The following HSPG2 variants were observed in gnomAD, a reference collection of about 807,000 sequenced individuals.
HSPG2 encodes the protein basement membrane-specific heparan sulfate proteoglycan core protein.
A neutral mutation model predicts 526.6 loss-of-function variants in HSPG2; 278 were observed. The ratio of observed to expected loss-of-function variants is 0.53; its 90% CI spans 0.48 to 0.58. HSPG2 has a LOEUF of 0.58. HSPG2 is among the 20% of genes least tolerant of loss of function. The pLI, the probability that HSPG2 is intolerant of heterozygous loss-of-function variation, is 0.00. For synonymous variants in HSPG2, 2,465 were observed against 2,555.4 expected, an observed-to-expected ratio of 0.96 and a Z score of 1.07; for missense variants, 5,354 against 6,099.5, an observed-to-expected ratio of 0.88 and a Z score of 4.07.
Position 21,839,363 on chromosome 1 carries a change from G to A in HSPG2, c.9889+8C>T. 6.2e-7 allele frequency: 1 copy of A among 1,610,536 alleles called. No individual in the cohort carries two copies. The highest frequency in any genetic ancestry group is 8.5e-7 in the Non-Finnish European group (1 of 1,179,810). On this transcript the variant is annotated splice_region_variant and intron_variant, in intron 73 of 96. Coordinates refer to ENST00000374695, the MANE Select transcript of HSPG2 (RefSeq NM_005529.7). This position sits in a 1 kb window ranked among gnomAD's most constrained non-coding sequence, Gnocchi z 4.5. ...TTTGGTGCAGACAAAGAAGGGATGA[G>A]GCCTTACTCTCCACGTGCAGGATGA...
chr1:21,847,599 C>T lies in HSPG2; in HGVS notation c.8025+90G>A. ...GCCTGTTGAGGCTGCTATCGGTCTA[C>T]CCAGGGCCCAATCCGTGAGACAGGG... On this transcript the variant is annotated intron_variant, in intron 61 of 96. Transcript: ENST00000374695. This position sits in a 1 kb window ranked among gnomAD's most constrained non-coding sequence, Gnocchi z 4.1. The T allele has an allele frequency of 1.2e-6, 2 of 1,606,258 alleles. No individual in the cohort carries two copies. Among genetic ancestry groups the T allele is most frequent in the South Asian group, 1.1e-5 (1 of 90,890 alleles).
At position 21,835,566 on chromosome 1, in the gene HSPG2, T is replaced by G; in HGVS notation, c.10427A>C (p.Gln3476Pro). Residue 3476 changes from glutamine to proline, a missense_variant, in exon 76 of 97, where the codon CAG (glutamine) becomes CCG (proline). By Grantham distance (76) the Gln-to-Pro change is moderately conservative. Coordinates refer to ENST00000374695, the MANE Select transcript of HSPG2 (RefSeq NM_005529.7). ...CQAHGPWGKAQASAQLVIQAL... is the reference protein window; with the variant it reads ...CQAHGPWGKAPASAQLVIQAL... ...TTGGATAACCAGCTGGGCACTGGCC[T>G]GGGCCTTCCCCCAAGGTCCATGGGC... 2 of 1,613,946 alleles carry G rather than the reference T, an allele frequency of 1.2e-6. No homozygotes were observed. The highest frequency in any genetic ancestry group is 1.7e-6 in the Non-Finnish European group (2 of 1,179,788).
In HSPG2 at chr1:21,865,078, G is replaced by T; in HGVS notation, c.4396-5C>A. ...ATCGGGCCGGCGCCAGAATTCCTGG[G>T]TTGGGGGTGGCAACGTGGGCGGGGG... On this transcript the variant is annotated splice_polypyrimidine_tract_variant and splice_region_variant and intron_variant, in intron 35 of 96. Coordinates refer to ENST00000374695, the MANE Select transcript of HSPG2 (RefSeq NM_005529.7). The surrounding 1 kb of genome is among the most constrained non-coding windows in gnomAD (Gnocchi z 5.4). The T allele has an allele frequency of 6.4e-7, 1 of 1,560,922 alleles. No homozygotes were observed. The highest frequency in any genetic ancestry group is 8.7e-7 in the Non-Finnish European group (1 of 1,155,868).
intron 33 of HSPG2, among the ~76,000 whole-genome samples, chr1:21,867,298 C>T (rs1640318568): frequency 1.3e-5 from 2 of 152,030 alleles, no homozygotes. Context: ...GTTGCTTAAG[C>T]TGGTCTCAAC....
chr1:21,924,629 T>C (rs948069583), intron 1 of HSPG2, among the ~76,000 whole-genome samples: 1 of 152,154 alleles, frequency 6.6e-6, no homozygotes, highest in South Asian at 2.1e-4. Context: ...AGCTGACTGG[T>C]GACCAAGTGG....
chr1:21,917,360 G>A (rs1172500730), intron 1 of HSPG2, among the ~76,000 whole-genome samples: 1 of 151,924 alleles, frequency 6.6e-6, no homozygotes, highest in Non-Finnish European at 1.5e-5. Context: ...TTGAGCCCAG[G>A]AGGTCGAGGC....
intron 81 of HSPG2, 93 bp downstream of exon 81, chr1:21,832,402 G>C (rs2098008386): frequency 9.6e-7 from 1 of 1,039,240 alleles, no homozygotes; most frequent in Non-Finnish European, 1.5e-6. Flanking sequence ...CCTTCCTCCA[G>C]ATCTCCTTTG....
rs745412306 is a variant in HSPG2, at chr1:21,864,870, C to A, written c.4599G>T (p.Pro1533=). The A allele has an allele frequency of 1.9e-6, 3 of 1,610,336 alleles. No homozygotes were observed. The highest frequency in any genetic ancestry group is 2.2e-5 in the South Asian group (2 of 90,574). The change falls in exon 36 of 97, where the codon CCG becomes CCT. Residue 1533 remains proline (P), a synonymous_variant. Transcript: ENST00000374695. This position sits in a 1 kb window ranked among gnomAD's most constrained non-coding sequence, Gnocchi z 4.8. Reference sequence around the variant, plus strand: ...GGCAGGACAGACCGATGTAGCCTGGCGGGCAGCGGCACTCCTCCACCTCGA... The same window carrying A: ...GGCAGGACAGACCGATGTAGCCTGGAGGGCAGCGGCACTCCTCCACCTCGA... ...RALEVEECRC[P]PGYIGLSCQD... is the part of the protein sequence containing the mutation.
chr1:21,840,337 G>A (rs1268974873), intron 71 of HSPG2, among the ~76,000 whole-genome samples: 1 of 151,744 alleles, frequency 6.6e-6, no homozygotes, highest in African/African-American at 2.4e-5. Context: ...TGAGGGTCTT[G>A]CTCTGTCACC....
intron 1 of HSPG2, among the ~76,000 whole-genome samples, chr1:21,907,400 G>A (rs529918406): frequency 2.6e-5 from 4 of 152,226 alleles, no homozygotes; most frequent in East Asian, 1.9e-4. Flanking sequence ...CCCTCTGTCC[G>A]ATGATGAAGC....
chr1:21,935,989 G>C (rs1438134351), intron 1 of HSPG2, among the ~76,000 whole-genome samples: 2 of 152,134 alleles, frequency 1.3e-5, no homozygotes, highest in African/African-American at 4.8e-5. Context: ...GGGTAGAGGT[G>C]CGATGAAGCC....
intron 21 of HSPG2, 32 bp downstream of exon 21, chr1:21,878,154 G>A (rs773636781): frequency 8.7e-6 from 14 of 1,602,252 alleles, no homozygotes; most frequent in Non-Finnish European, 3.4e-6. Flanking sequence ...TGGGCCCAAG[G>A]CCCCTGGGTG....
intron 1 of HSPG2, among the ~76,000 whole-genome samples, chr1:21,932,342 G>A (rs1475534172): frequency 6.6e-6 from 1 of 152,214 alleles, no homozygotes; most frequent in African/African-American, 2.4e-5. Context: ...GCATCTCTGA[G>A]TGTGTGGATA....
Position 21,846,511 on chromosome 1 carries a change from G to A in HSPG2, c.8253C>T (p.Pro2751=), listed in dbSNP as rs148031064. 123 of 1,613,602 alleles carry A rather than the reference G, an allele frequency of 7.6e-5. No homozygotes were observed. Among genetic ancestry groups the A allele is most frequent in the African/African-American group, 6.4e-4 (48 of 74,944 alleles). Reference sequence around the variant, plus strand: ...AAGTGACCTGGGCATGGGCCTGCCCGGGGACCACGCAGTTCAGATCCAGGG... The same window carrying A: ...AAGTGACCTGGGCATGGGCCTGCCCAGGGACCACGCAGTTCAGATCCAGGG... ...GETLDLNCVV[P]GQAHAQVTWH... Residue 2751 remains proline, a synonymous_variant, in exon 63 of 97, where the codon CCC becomes CCT. Transcript: ENST00000374695.
intron 1 of HSPG2, among the ~76,000 whole-genome samples, chr1:21,907,014 G>A (rs1045586994): frequency 4.6e-5 from 7 of 152,170 alleles, no homozygotes; most frequent in African/African-American, 1.7e-4. Flanking sequence ...GGTAGTAGGA[G>A]GGGTGTGTTC....
At chr1:21,840,672 C>A (rs2098045027) in intron 71 of HSPG2, among the ~76,000 whole-genome samples, 1 of 152,170 alleles carries the variant, frequency 6.6e-6, no homozygotes, top group East Asian at 1.9e-4. Context: ...AACTCCTGAC[C>A]TCAGGTGATC....
Position 21,871,260 on chromosome 1 carries a change from T to TTTC in HSPG2, c.4221+925_4221+926insGAA, listed in dbSNP as rs1207821161. Among the ~76,000 whole-genome samples, 1,048 of 144,452 alleles carry TTTC rather than the reference T, an allele frequency of 7.3e-3. 17 individuals carry two copies. Among genetic ancestry groups the TTTC allele is most frequent in the African/African-American group, 0.024 (959 of 39,304 alleles). 94.8% of individuals were successfully genotyped at this position (144,452 alleles called of 152,430 possible). On this transcript the variant is annotated intron_variant, in intron 33 of 96. Coordinates refer to ENST00000374695, the MANE Select transcript of HSPG2 (RefSeq NM_005529.7). ...CACCTCTGACTGGCAGAGTATTTGT[T>TTTC]TTTTTTTTTTTTTTTTTGAGACAGG...
In HSPG2 at chr1:21,848,548, T is replaced by G. The variant is rs1638631780; in HGVS notation, c.7737+95A>C. On this transcript the variant is annotated intron_variant, in intron 59 of 96. Transcript: ENST00000374695. This position sits in a 1 kb window ranked among gnomAD's most constrained non-coding sequence, Gnocchi z 4.9. ...GGATACTCAATGTTTGTTGAATGAC[T>G]GAATGAGCACAGAGTGAGGTGCTGA... The G allele has an allele frequency of 7.1e-7, 1 of 1,399,068 alleles. No individual in the cohort carries two copies. The highest frequency in any genetic ancestry group is 1.4e-5 in the African/African-American group (1 of 70,704). The allele number at this position is 1,399,068 out of a possible 1,614,324, so 86.7% of individuals were successfully genotyped here. A position where few individuals can be genotyped will look rare whatever the true frequency, so the allele number is the denominator to read the frequency against.
chr1:21,919,611 T>G (rs1643976375), intron 1 of HSPG2, among the ~76,000 whole-genome samples: 1 of 151,958 alleles, frequency 6.6e-6, no homozygotes, highest in African/African-American at 2.4e-5. Flanking sequence ...CCAGGGGTGG[T>G]TTTCAGGATG....
Sources: gnomAD v4.1 joint callset for allele counts (sites outside exome capture counted in the v4.1 genomes callset) on GRCh38, gnomAD v4.1.1 for gene constraint, Gnocchi (gnomAD v3.1) non-coding constraint, MANE v1.5 for transcripts, NCBI Gene and HGNC (gene_info 2026-07-23, HGNC 2026-07-21) for gene names.